PMFBP1: variants seen among roughly 807,000 people sequenced by gnomAD.
The protein encoded by PMFBP1 is polyamine modulated factor 1 binding protein 1.
A neutral mutation model predicts 137.8 loss-of-function variants in PMFBP1; 131 were observed. The ratio of observed to expected loss-of-function variants is 0.95; its 90% CI spans 0.82 to 1.10. The LOEUF is 1.10. Among genes scored for constraint, PMFBP1 ranks in the 50% least tolerant of loss-of-function variants. The pLI is 0.00. For missense variants in PMFBP1, 1,199 were observed against 1,175.4 expected (o/e 1.02, Z -0.29); for synonymous variants, 490 against 450.4 (o/e 1.09, Z -1.11).
the PMFBP1 span, among the ~76,000 whole-genome samples, chr16:72,186,420 T>C: frequency 2.6e-5 from 4 of 152,124 alleles, no homozygotes; most frequent in Non-Finnish European, 4.4e-5. Context: ...GGCTATATTC[T>C]AAGATGTTGA....
chr16:72,146,924 A>G (rs2042816242), intron 5 of PMFBP1, among the ~76,000 whole-genome samples: 3 of 152,250 alleles, frequency 2.0e-5, no homozygotes, highest in Admixed American at 2.0e-4. Context: ...GGAAGAATCA[A>G]TATCATGAAA....
At chr16:72,125,894 TC>T in intron 15 of PMFBP1, 73 bp downstream of exon 15, 1 of 1,539,964 alleles carries the variant, frequency 6.5e-7, no homozygotes. Context: ...GGAAATTGGC[TC>T]CTGTGCTTCT....
the PMFBP1 span, among the ~76,000 whole-genome samples, chr16:72,228,437 C>G: frequency 2.0e-4 from 30 of 152,314 alleles, no homozygotes; most frequent in African/African-American, 6.3e-4. Context: ...TGGACTCCAT[C>G]TGCACATCAC....
chr16:72,220,782 T>C, the PMFBP1 span, among the ~76,000 whole-genome samples: 3 of 152,122 alleles, frequency 2.0e-5, no homozygotes, highest in Admixed American at 6.6e-5. Flanking sequence ...TGCAGACACA[T>C]TGAGGGGACC....
rs779824715 is a variant in PMFBP1 at position 72,130,206 on chromosome 16, G to A, written c.1782+7C>T. 112 of 1,611,436 alleles carry A rather than the reference G, an allele frequency of 7.0e-5. No individual in the cohort carries two copies. Among genetic ancestry groups the A allele is most frequent in the Middle Eastern group, 1.7e-4 (1 of 6,050 alleles). On this transcript the variant is annotated splice_region_variant and intron_variant, in intron 12 of 20. Transcript: ENST00000237353. ...ACTTGAATGGGCCATCTGCCTGCCCGTCATACCTGGTGCTTGATACGATCA... is the reference window on the plus strand; with the variant it reads ...ACTTGAATGGGCCATCTGCCTGCCCATCATACCTGGTGCTTGATACGATCA...
At chr16:72,188,860 C>T in the PMFBP1 span, among the ~76,000 whole-genome samples, 1 of 152,020 alleles carries the variant, frequency 6.6e-6, no homozygotes, top group Non-Finnish European at 1.5e-5. Context: ...TCTGTTATGA[C>T]CTCCTGCTCA....
the PMFBP1 span, among the ~76,000 whole-genome samples, chr16:72,234,933 C>T: frequency 2.7e-4 from 41 of 152,164 alleles, no homozygotes; most frequent in Non-Finnish European, 4.7e-4. Context: ...TTCATGTACT[C>T]TGGATACAAG....
intron 2 of PMFBP1, among the ~76,000 whole-genome samples, chr16:72,165,418 C>CTTT (rs111960622): frequency 7.0e-6 from 1 of 143,878 alleles, no homozygotes; most frequent in Non-Finnish European, 1.5e-5. Flanking sequence ...TTCTTTCTTT[C>CTTT]TTTTTTTTTT....
intron 3 of PMFBP1, among the ~76,000 whole-genome samples, chr16:72,161,561 T>G (rs930958288): frequency 6.6e-6 from 1 of 152,020 alleles, no homozygotes. Flanking sequence ...GACATTCACT[T>G]TAAAAAAAGT....
chr16:72,246,943 G>C, the PMFBP1 span, among the ~76,000 whole-genome samples: 1 of 152,114 alleles, frequency 6.6e-6, no homozygotes, highest in African/African-American at 2.4e-5. Context: ...CCCACTGTTT[G>C]ATACCCTCCT....
the PMFBP1 span, among the ~76,000 whole-genome samples, chr16:72,224,407 C>G: frequency 2.0e-5 from 3 of 152,144 alleles, no homozygotes; most frequent in Non-Finnish European, 4.4e-5. Context: ...ACTTTGATGT[C>G]TACAGAATAA....
In PMFBP1 at chr16:72,136,570, G is replaced by A. The variant is rs147286664; in HGVS notation, c.1081C>T (p.Arg361Trp). Residue 361 changes from arginine (R) to tryptophan (W), a missense_variant, in exon 9 of 21, where the codon CGG (arginine) becomes TGG (tryptophan). Physicochemically the swap from Arg to Trp is moderately radical, Grantham distance 101. Coordinates refer to ENST00000237353, the MANE Select transcript of PMFBP1 (RefSeq NM_031293.3). ...MKLELDLHGL[R>W]EETSAHIERK... ...TCAATGTGGGCAGATGTCTCCTCCCGCAGTCCGTGCAGGTCCAGCTCCAGC... is the reference window on the plus strand; with the variant it reads ...TCAATGTGGGCAGATGTCTCCTCCCACAGTCCGTGCAGGTCCAGCTCCAGC... 4.5e-3 allele frequency: 7,327 copies of A among 1,613,962 alleles called. 19 individuals are homozygous for A. The highest frequency in any genetic ancestry group is 5.5e-3 in the Non-Finnish European group (6,492 of 1,179,968).
chr16:72,125,517 C>G, intron 15 of PMFBP1, 112 bp from the exon 16 acceptor site: 1 of 1,222,220 alleles, frequency 8.2e-7, no homozygotes. Flanking sequence ...CAGGGTGACA[C>G]GGACGGTCAC....
the PMFBP1 span, among the ~76,000 whole-genome samples, chr16:72,222,257 C>T: frequency 0.1 from 15,907 of 152,114 alleles, 861 homozygotes; most frequent in African/African-American, 0.14. Context: ...AAGGCACTCA[C>T]CACCATGCCT....
intron 7 of PMFBP1, 124 bp from the exon 8 acceptor site, chr16:72,136,943 G>T (rs542645406): frequency 1.2e-5 from 16 of 1,317,662 alleles, no homozygotes; most frequent in African/African-American, 8.6e-5. Flanking sequence ...GGCTGCTGGG[G>T]GCCAGGGGAT....
At chr16:72,228,746 A>G in the PMFBP1 span, among the ~76,000 whole-genome samples, 1 of 152,028 alleles carries the variant, frequency 6.6e-6, no homozygotes, top group Non-Finnish European at 1.5e-5. Flanking sequence ...AAGGATGACC[A>G]CTTTTAGGCT....
chr16:72,218,453 G>A, the PMFBP1 span, among the ~76,000 whole-genome samples: 1 of 152,012 alleles, frequency 6.6e-6, no homozygotes, highest in African/African-American at 2.4e-5. Context: ...TCAGCCTCCT[G>A]AGTAGCTGGG....
the PMFBP1 span, among the ~76,000 whole-genome samples, chr16:72,219,039 T>C: frequency 6.6e-6 from 1 of 152,326 alleles, no homozygotes; most frequent in African/African-American, 2.4e-5. Context: ...ATTTATGACA[T>C]ATAACATGAT....
At chr16:72,154,707 T>C (rs973986654) in intron 3 of PMFBP1, among the ~76,000 whole-genome samples, 1 of 152,174 alleles carries the variant, frequency 6.6e-6, no homozygotes, top group African/African-American at 2.4e-5. Context: ...AATCTTATTA[T>C]TTAGGTCAGA....
Sources: gnomAD v4.1 joint callset for allele counts (sites outside exome capture counted in the v4.1 genomes callset) on GRCh38, gnomAD v4.1.1 for gene constraint, MANE v1.5 for transcripts, NCBI Gene and HGNC (gene_info 2026-07-23, HGNC 2026-07-21) for gene names.